The following SLC22A14 variants were observed in gnomAD, a reference collection of about 807,000 sequenced individuals.
SLC22A14 encodes the protein solute carrier family 22 member 14.
In SLC22A14, 50 loss-of-function variants were observed where a neutral mutation model predicts 53.9. That is an observed-to-expected ratio of 0.93 (90% CI 0.74 to 1.17). The LOEUF (loss-of-function observed/expected upper bound fraction) is 1.17. Ranked by LOEUF, SLC22A14 falls within the 50% of genes most tolerant of loss-of-function variation. SLC22A14 has a pLI of 0.00. For synonymous variants in SLC22A14, 312 were observed against 303.0 expected, an observed-to-expected ratio of 1.03 and a Z score of -0.31; for missense variants, 671 against 734.7, an observed-to-expected ratio of 0.91 and a Z score of 1.00.
At chr3:38,283,691 G>T (rs1027786432) in intron 1 of SLC22A14, among the ~76,000 whole-genome samples, 3 of 152,088 alleles carry the variant, frequency 2.0e-5, no homozygotes, top group Non-Finnish European at 4.4e-5. Flanking sequence ...TTAGCCAGGC[G>T]TGGTGGCTTG....
chr3:38,279,791 A>T (rs1421126698), upstream of SLC22A14, among the ~76,000 whole-genome samples: 46 of 152,216 alleles, frequency 3.0e-4, no homozygotes, highest in Middle Eastern at 3.4e-3. Context: ...CTGGTTGTGT[A>T]TCTCCTTGAT....
chr3:38,287,932 T>G (rs1000799185), intron 1 of SLC22A14, among the ~76,000 whole-genome samples: 5 of 152,256 alleles, frequency 3.3e-5, no homozygotes, highest in Non-Finnish European at 7.3e-5. Context: ...TTTTTTAAAA[T>G]GTAATATATA....
upstream of SLC22A14, among the ~76,000 whole-genome samples, chr3:38,280,170 G>C (rs940199859): frequency 2.6e-5 from 4 of 152,122 alleles, no homozygotes; most frequent in South Asian, 2.1e-4. Flanking sequence ...GACTTTCCAG[G>C]CCTCCTCTTT....
intron 1 of SLC22A14, among the ~76,000 whole-genome samples, chr3:38,295,974 G>A (rs1457018637): frequency 6.6e-6 from 1 of 152,208 alleles, no homozygotes; most frequent in Admixed American, 6.5e-5. Context: ...TAGCCTAGAT[G>A]CCTAAGGATG....
chr3:38,284,580 TAGAA>T (rs1392968025), intron 1 of SLC22A14, among the ~76,000 whole-genome samples: 10 of 152,110 alleles, frequency 6.6e-5, no homozygotes, highest in Admixed American at 5.9e-4. Flanking sequence ...AGGAAGAACT[TAGAA>T]AGGAGGCCTC....
intron 1 of SLC22A14, among the ~76,000 whole-genome samples, chr3:38,284,050 A>G (rs1229587436): frequency 6.6e-6 from 1 of 152,124 alleles, no homozygotes; most frequent in Non-Finnish European, 1.5e-5. Context: ...GCCAAGGGAA[A>G]TGTGTCTGCA....
At chr3:38,318,065 G>T (rs1704669484) in intron 10 of SLC22A14, 133 bp from the exon 11 acceptor site, 1 of 758,680 alleles carries the variant, frequency 1.3e-6, no homozygotes, top group South Asian at 1.7e-5. Flanking sequence ...AAGCTCGGCT[G>T]GGGACCTGCC....
At chr3:38,290,976 G>A (rs58819089) in intron 1 of SLC22A14, among the ~76,000 whole-genome samples, 9,829 of 152,228 alleles carry the variant, frequency 0.065, 383 homozygotes, top group East Asian at 0.16. Flanking sequence ...GCTTCCTGAT[G>A]TTTGATAGGT....
Position 38,316,347 on chromosome 3 carries a change from C to A in SLC22A14, c.1556C>A (p.Ser519Tyr). The change falls in exon 10 of 11, where the codon TCT becomes TAT. Residue 519 changes from serine to tyrosine, a missense_variant. Transcript: ENST00000448498. ...AGGGCGACAGGTCTGGGGCTGGTGT[C>A]TCTGGCCTCGGTGGCTGGAGCCATC... ...VLRATGLGLV[S>Y]LASVAGAILS... 6 of 1,614,196 alleles carry A rather than the reference C, an allele frequency of 3.7e-6. No homozygotes were observed. The highest frequency in any genetic ancestry group is 5.1e-6 in the Non-Finnish European group (6 of 1,180,044).
intron 6 of SLC22A14, 60 bp from the exon 7 acceptor site, chr3:38,313,328 G>T: frequency 7.0e-7 from 1 of 1,435,082 alleles, no homozygotes. Flanking sequence ...GGGTGCTGTG[G>T]GGCTGGGGAG....
chr3:38,315,224 G>A (rs575198363), intron 8 of SLC22A14, among the ~76,000 whole-genome samples: 1 of 152,398 alleles, frequency 6.6e-6, no homozygotes, highest in East Asian at 1.9e-4. Context: ...GGCCCTGAGT[G>A]GATCCCCAGT....
At chr3:38,299,591 C>T (rs1704115456) in intron 1 of SLC22A14, among the ~76,000 whole-genome samples, 1 of 152,168 alleles carries the variant, frequency 6.6e-6, no homozygotes, top group Non-Finnish European at 1.5e-5. Flanking sequence ...TTGAGATAGT[C>T]TCACCCTATC....
rs761592531 is a variant in SLC22A14 at position 38,315,654 on chromosome 3, C to A, written c.1475C>A (p.Ala492Asp). Residue 492 changes from alanine (A) to aspartate (D), a missense_variant, in exon 9 of 11, where the codon GCC becomes GAC. Physicochemically the swap from Ala to Asp is moderately radical, Grantham distance 126. Coordinates refer to ENST00000448498, the MANE Select transcript of SLC22A14 (RefSeq NM_001320033.2). ...LVLMLREFSL[A>D]ATVTVFFLYT... ...CTCATGCTCAGAGAGTTCAGCCTGG[C>A]CGCCACTGTCACTGTGTTCTTCCTC... 6.2e-7 allele frequency: 1 copy of A among 1,614,068 alleles called. No homozygotes were observed. The highest frequency in any genetic ancestry group is 1.1e-5 in the South Asian group (1 of 91,084).
intron 1 of SLC22A14, among the ~76,000 whole-genome samples, chr3:38,285,511 T>C (rs1457134715): frequency 6.6e-6 from 1 of 152,244 alleles, no homozygotes; most frequent in Non-Finnish European, 1.5e-5. Flanking sequence ...AAATTATTTC[T>C]TTAGTCTTGC....
At position 38,313,418 on chromosome 3, in the gene SLC22A14, G is replaced by A. The variant is rs1445797118; in HGVS notation, c.1096G>A (p.Ala366Thr). Reference sequence around the variant, plus strand: ...GCTGCCCAGAAAGAAGGTGACTCGGGCCTCTGTCCTGGACTTCTGTAAGAA... The same window carrying A: ...GCTGCCCAGAAAGAAGGTGACTCGGACCTCTGTCCTGGACTTCTGTAAGAA... ...LQLPRKKVTR[A>T]SVLDFCKNRQ... Residue 366 changes from alanine to threonine, a missense_variant, in exon 7 of 11, where the codon GCC (alanine) becomes ACC (threonine). Ala to Thr is a moderately conservative substitution (Grantham distance 58, BLOSUM62 0). Coordinates refer to ENST00000448498, the MANE Select transcript of SLC22A14 (RefSeq NM_001320033.2). The A allele has an allele frequency of 6.2e-7, 1 of 1,613,924 alleles. No individual in the cohort carries two copies. Among genetic ancestry groups the A allele is most frequent in the Non-Finnish European group, 8.5e-7 (1 of 1,179,818 alleles).
chr3:38,302,156 T>C (rs2051208), intron 1 of SLC22A14, among the ~76,000 whole-genome samples: 9,460 of 149,130 alleles, frequency 0.063, 354 homozygotes, highest in East Asian at 0.16. Context: ...ATTGCTTAAA[T>C]CCAGGAGGCG....
chr3:38,296,929 C>T (rs578215979), intron 1 of SLC22A14, among the ~76,000 whole-genome samples: 15 of 152,254 alleles, frequency 9.9e-5, no homozygotes, highest in South Asian at 2.1e-4. Flanking sequence ...TCTGTGACGG[C>T]GACAAACAGC....
chr3:38,293,637 G>A (rs867921111), intron 1 of SLC22A14, among the ~76,000 whole-genome samples: 1 of 152,140 alleles, frequency 6.6e-6, no homozygotes, highest in African/African-American at 2.4e-5. Flanking sequence ...TCCTTTCCAT[G>A]TGTTACAGTG....
intron 1 of SLC22A14, among the ~76,000 whole-genome samples, chr3:38,287,662 T>C (rs1320711169): frequency 6.6e-6 from 1 of 152,216 alleles, no homozygotes; most frequent in Non-Finnish European, 1.5e-5. Context: ...ATCATTCTTA[T>C]TATTCTTCAG....
Sources: allele counts gnomAD v4.1 joint callset (sites outside exome capture counted in the v4.1 genomes callset), GRCh38; gene constraint gnomAD v4.1.1; transcripts MANE v1.5; gene names NCBI Gene and HGNC (gene_info 2026-07-23, HGNC 2026-07-21).